The following GRIA3 variants were observed in gnomAD, a reference collection of about 807,000 sequenced individuals.
GRIA3 encodes the protein glutamate ionotropic receptor AMPA type subunit 3.
In GRIA3, 3 loss-of-function variants were observed where a neutral mutation model predicts 63.0. That is an observed-to-expected ratio of 0.05 (90% CI 0.02 to 0.12). The LOEUF (loss-of-function observed/expected upper bound fraction) is 0.12, where lower values mean the gene tolerates loss of function less well. GRIA3 is among the 10% of genes least tolerant of loss of function. The pLI is 1.00. For synonymous variants in GRIA3, 274 were observed against 257.9 expected (o/e 1.06, Z -0.60); for missense variants, 347 against 700.9 (o/e 0.50, Z 5.70).
chrX:123,345,608 T>C (rs1407236211), intron 4 of GRIA3, among the ~76,000 whole-genome samples: 2 of 110,544 alleles, frequency 1.8e-5, no homozygotes, highest in Admixed American at 1.9e-4. Flanking sequence ...TTGTTGTCAG[T>C]TTACCCCCAG....
chrX:123,305,946 C>T (rs184752684), intron 3 of GRIA3, among the ~76,000 whole-genome samples: 239 of 111,712 alleles, frequency 2.1e-3, no homozygotes, highest in Non-Finnish European at 3.1e-3. Context: ...GTTGGGTAGA[C>T]TAAATGGTCT....
Position 123,185,918 on chromosome X carries a change from G to A in GRIA3, c.196G>A (p.Glu66Lys). 1 of 1,204,740 alleles carries A rather than the reference G, an allele frequency of 8.3e-7. No homozygotes were observed. Among genetic ancestry groups the A allele is most frequent in the Non-Finnish European group, 1.1e-6 (1 of 889,412 alleles). The change falls in exon 2 of 16, where the codon GAG becomes AAG. Residue 66 changes from glutamate (E) to lysine (K), a missense_variant. Transcript: ENST00000620443. ...ATACAACACCAACCAGAACACCACC[G>A]AGAAGCCCTTCCATTTGAATTACCA... ...QLYNTNQNTTEKPFHLNYHVD... is the reference protein window; with the variant it reads ...QLYNTNQNTTKKPFHLNYHVD...
intron 3 of GRIA3, among the ~76,000 whole-genome samples, chrX:123,276,611 T>C (rs1431266666): frequency 2.7e-5 from 3 of 112,111 alleles, no homozygotes; most frequent in South Asian, 7.5e-4. Context: ...GGTGAGGACA[T>C]AGAGGCTCAG....
intron 2 of GRIA3, among the ~76,000 whole-genome samples, chrX:123,200,608 T>TACACACACACACACACACACACAC (rs200626306): frequency 1.3e-5 from 1 of 76,392 alleles, no homozygotes; most frequent in African/African-American, 4.1e-5. Flanking sequence ...CACACATACA[T>TACACACACACACACACACACACAC]ACACACACAC....
rs774953692 is a variant in GRIA3, at chrX:123,423,427, C to A, written c.1878-4514C>A. ...TACCCTTTCCTCTGCTGATGTATGA[C>A]CACTGTCTTTATCTTACTGCAAATT... is the stretch of plus-strand genomic sequence containing the variant. On this transcript the variant is annotated intron_variant, in intron 11 of 15. Coordinates refer to ENST00000620443, the MANE Select transcript of GRIA3 (RefSeq NM_007325.5). Among the ~76,000 whole-genome samples the A allele has an allele frequency of 2.7e-5, 3 of 112,045 alleles. No individual in the cohort carries two copies. The Admixed American group carries it at 2.8e-4, about 11-fold the overall frequency.
intron 7 of GRIA3, among the ~76,000 whole-genome samples, chrX:123,402,463 T>C (rs1040410107): frequency 3.6e-5 from 4 of 110,129 alleles, no homozygotes; most frequent in African/African-American, 1.3e-4. Context: ...ACTACTAGGA[T>C]TTTCAATCTT....
At chrX:123,434,041 T>C (rs2045632340) in intron 12 of GRIA3, among the ~76,000 whole-genome samples, 1 of 112,242 alleles carries the variant, frequency 8.9e-6, no homozygotes, top group African/African-American at 3.2e-5. Context: ...CAACTGGGTC[T>C]ACATTTCTTC....
At chrX:123,474,278 G>A (rs2045877081) in intron 13 of GRIA3, among the ~76,000 whole-genome samples, 2 of 112,167 alleles carry the variant, frequency 1.8e-5, no homozygotes, top group South Asian at 7.4e-4. Context: ...CTGGTTCTAA[G>A]CTACTATTTG....
At chrX:123,194,301 A>T (rs1319304584) in intron 2 of GRIA3, among the ~76,000 whole-genome samples, 1 of 111,152 alleles carries the variant, frequency 9.0e-6, no homozygotes, top group African/African-American at 3.3e-5. Flanking sequence ...ATGATTGGCT[A>T]ATCTACCTTG....
chrX:123,445,287 C>A (rs975481416), intron 12 of GRIA3, among the ~76,000 whole-genome samples: 2 of 111,691 alleles, frequency 1.8e-5, no homozygotes, highest in Non-Finnish European at 3.8e-5. Context: ...AGAACTCTGC[C>A]CTTCCCCTCC....
At chrX:123,249,224 A>G (rs2044376286) in intron 2 of GRIA3, among the ~76,000 whole-genome samples, 1 of 112,516 alleles carries the variant, frequency 8.9e-6, no homozygotes, top group Non-Finnish European at 1.9e-5. Context: ...ACTCTGTTCA[A>G]TCAGAAGAGC....
intron 2 of GRIA3, among the ~76,000 whole-genome samples, chrX:123,193,461 G>C (rs1378752130): frequency 5.4e-5 from 6 of 111,491 alleles, no homozygotes; most frequent in African/African-American, 1.6e-4. Flanking sequence ...AACACAACCT[G>C]AATTCTATCT....
intron 3 of GRIA3, among the ~76,000 whole-genome samples, chrX:123,316,863 T>C (rs1315488770): frequency 1.8e-5 from 2 of 112,303 alleles, no homozygotes; most frequent in Non-Finnish European, 3.8e-5. Context: ...ATACTTTTAC[T>C]GTGTCTTTTC....
At chrX:123,350,571 C>G (rs1239501708) in intron 4 of GRIA3, among the ~76,000 whole-genome samples, 1 of 112,160 alleles carries the variant, frequency 8.9e-6, no homozygotes, top group Non-Finnish European at 1.9e-5. Flanking sequence ...AGGAAAGGGC[C>G]TCTTACATAG....
At chrX:123,193,875 G>A (rs1378801650) in intron 2 of GRIA3, among the ~76,000 whole-genome samples, 2 of 111,167 alleles carry the variant, frequency 1.8e-5, no homozygotes, top group African/African-American at 6.5e-5. Flanking sequence ...TCCAAGACAG[G>A]TAAATGACCC....
chrX:123,354,104 T>G (rs111244350), intron 4 of GRIA3, among the ~76,000 whole-genome samples: 111 of 111,844 alleles, frequency 9.9e-4, no homozygotes, highest in African/African-American at 3.4e-3. Context: ...TTCATAAAAA[T>G]TATGGTAAGA....
At chrX:123,376,998 T>G (rs1169832793) in intron 5 of GRIA3, among the ~76,000 whole-genome samples, 4 of 100,738 alleles carry the variant, frequency 4.0e-5, no homozygotes, top group Admixed American at 1.1e-4. Context: ...GCAATGGCGC[T>G]ATCTCGGCTC....
rs184185835 is a variant in GRIA3 at position 123,464,885 on chromosome X, C to T, written c.2097C>T (p.Tyr699=). 2.6e-4 allele frequency: 309 copies of T among 1,203,762 alleles called. No homozygotes were observed. Among genetic ancestry groups the T allele is most frequent in the Middle Eastern group, 4.6e-4 (2 of 4,320 alleles). The part of the protein sequence containing the change: ...EFFRRSKIAV[Y]EKMWSYMKSA... ...TGCAGAGATCCAAAATTGCTGTGTA[C>T]GAGAAAATGTGGTCTTACATGAAAT... The change falls in exon 13 of 16, where the codon TAC becomes TAT. Residue 699 remains tyrosine (Y), a synonymous_variant. Transcript: ENST00000620443.
chrX:123,317,110 T>G (rs1357140232), intron 3 of GRIA3, among the ~76,000 whole-genome samples: 4 of 111,179 alleles, frequency 3.6e-5, no homozygotes, highest in Non-Finnish European at 7.5e-5. Flanking sequence ...AGCAGAAACC[T>G]CTGATAAACC....
Sources: allele counts gnomAD v4.1 joint callset (sites outside exome capture counted in the v4.1 genomes callset), GRCh38; gene constraint gnomAD v4.1.1; transcripts MANE v1.5; gene names NCBI Gene and HGNC (gene_info 2026-07-23, HGNC 2026-07-21).